Variants in SORCS3 observed in about 807,000 individuals in gnomAD.
SORCS3 encodes VPS10 domain-containing receptor SorCS3.
SORCS3 carries 57 observed loss-of-function variants against 146.3 expected under a neutral mutation model. That is an observed-to-expected ratio of 0.39 (90% CI 0.31 to 0.49). The LOEUF (loss-of-function observed/expected upper bound fraction) is 0.49. SORCS3 is among the 20% of genes least tolerant of loss of function. The pLI, the probability that SORCS3 is intolerant of heterozygous loss-of-function variation, is 0.92. For synonymous variants in SORCS3, 653 were observed against 618.5 expected, an observed-to-expected ratio of 1.06 and a Z score of -0.83; for missense variants, 1,341 against 1,575.5, an observed-to-expected ratio of 0.85 and a Z score of 2.52.
chr10:104,999,726 A>G (rs1461541244), intron 4 of SORCS3, among the ~76,000 whole-genome samples: 1 of 152,152 alleles, frequency 6.6e-6, no homozygotes, highest in Non-Finnish European at 1.5e-5. Flanking sequence ...ATTCAGACAC[A>G]TACAAAGAGT....
chr10:104,829,031 G>A (rs1394142995), intron 1 of SORCS3, among the ~76,000 whole-genome samples: 1 of 152,166 alleles, frequency 6.6e-6, no homozygotes, highest in Non-Finnish European at 1.5e-5. Context: ...CTCATCCACT[G>A]TGAGGATGTC....
intron 1 of SORCS3, among the ~76,000 whole-genome samples, chr10:104,777,784 C>CTTTCAAAG (rs1165894692): frequency 1.3e-5 from 2 of 152,114 alleles, no homozygotes; most frequent in African/African-American, 4.8e-5. Flanking sequence ...GATTAGGGCT[C>CTTTCAAAG]AGTGGGACTG....
chr10:104,731,394 C>A (rs1158225957), intron 1 of SORCS3, among the ~76,000 whole-genome samples: 1 of 152,222 alleles, frequency 6.6e-6, no homozygotes, highest in Non-Finnish European at 1.5e-5. Context: ...TTTACTGAGT[C>A]ATGTTCCTTC....
intron 4 of SORCS3, among the ~76,000 whole-genome samples, chr10:104,982,621 T>G (rs927223042): frequency 6.6e-6 from 1 of 152,212 alleles, no homozygotes; most frequent in Non-Finnish European, 1.5e-5. Context: ...AAATGATTTA[T>G]ATATAATTTA....
At chr10:105,010,617 T>C (rs2055129264) in intron 4 of SORCS3, among the ~76,000 whole-genome samples, 1 of 152,238 alleles carries the variant, frequency 6.6e-6, no homozygotes. Flanking sequence ...GAGATTGCAC[T>C]GTAATAGCAA....
chr10:105,231,796 A>T (rs568584280), intron 20 of SORCS3, among the ~76,000 whole-genome samples: 4 of 152,222 alleles, frequency 2.6e-5, no homozygotes, highest in African/African-American at 9.6e-5. Context: ...TAGTCTGCTG[A>T]TGAGATGGAT....
At chr10:105,044,700 T>G (rs1340800977) in intron 5 of SORCS3, among the ~76,000 whole-genome samples, 1 of 151,810 alleles carries the variant, frequency 6.6e-6, no homozygotes, top group East Asian at 2.0e-4. Context: ...TTTTTTTTGT[T>G]TTGTTGTTTT....
chr10:104,887,759 T>G (rs1435842835), intron 2 of SORCS3, among the ~76,000 whole-genome samples: 1 of 152,182 alleles, frequency 6.6e-6, no homozygotes, highest in African/African-American at 2.4e-5. Flanking sequence ...TCACTTATTC[T>G]CACCTCTATG....
At chr10:105,030,599 T>TTG (rs2055259602) in intron 4 of SORCS3, among the ~76,000 whole-genome samples, 1 of 151,778 alleles carries the variant, frequency 6.6e-6, no homozygotes, top group African/African-American at 2.4e-5. Context: ...AAGATCCTTT[T>TTG]TTTTTTTTTT....
At chr10:105,020,135 C>T (rs2055190131) in intron 4 of SORCS3, among the ~76,000 whole-genome samples, 2 of 152,146 alleles carry the variant, frequency 1.3e-5, no homozygotes, top group African/African-American at 4.8e-5. Context: ...GTCTCATTTC[C>T]AAGACCTAGT....
intron 2 of SORCS3, among the ~76,000 whole-genome samples, chr10:104,877,921 A>G: frequency 6.6e-6 from 1 of 152,212 alleles, no homozygotes; most frequent in East Asian, 1.9e-4. Flanking sequence ...AATAATACTT[A>G]GATTTTGAAA....
intron 1 of SORCS3, among the ~76,000 whole-genome samples, chr10:104,783,310 G>A (rs1379647481): frequency 1.3e-5 from 2 of 152,172 alleles, no homozygotes; most frequent in South Asian, 2.1e-4. Flanking sequence ...GACCTGGCCA[G>A]CTCTCACAGG....
intron 5 of SORCS3, among the ~76,000 whole-genome samples, chr10:105,056,036 A>G (rs1352564205): frequency 6.6e-6 from 1 of 152,208 alleles, no homozygotes; most frequent in Non-Finnish European, 1.5e-5. Flanking sequence ...CTCAGAAGGT[A>G]AAGGTCTCAC....
chr10:105,121,611 G>A (rs1218099173), intron 7 of SORCS3, among the ~76,000 whole-genome samples: 1 of 152,220 alleles, frequency 6.6e-6, no homozygotes, highest in African/African-American at 2.4e-5. Context: ...GTAGATGTTA[G>A]TGGCTGCAAA....
intron 5 of SORCS3, among the ~76,000 whole-genome samples, chr10:105,067,190 T>C (rs911991791): frequency 1.3e-5 from 2 of 152,208 alleles, no homozygotes; most frequent in African/African-American, 2.4e-5. Flanking sequence ...CAAAACATCA[T>C]ATTATATATG....
chr10:104,815,287 C>T (rs1246695146), intron 1 of SORCS3, among the ~76,000 whole-genome samples: 3 of 151,884 alleles, frequency 2.0e-5, no homozygotes, highest in East Asian at 3.9e-4. Context: ...TGGTGAAACC[C>T]TGTCTCTACT....
At chr10:104,832,024 A>G (rs1000701731) in intron 1 of SORCS3, among the ~76,000 whole-genome samples, 2 of 152,222 alleles carry the variant, frequency 1.3e-5, no homozygotes, top group Admixed American at 6.5e-5. Context: ...TTGATAGGCC[A>G]TGTCTTTTTC....
intron 1 of SORCS3, among the ~76,000 whole-genome samples, chr10:104,829,098 T>C (rs1036533301): frequency 6.6e-6 from 1 of 152,174 alleles, no homozygotes; most frequent in African/African-American, 2.4e-5. Flanking sequence ...TGGTAATACT[T>C]TAAACTCAAG....
Position 105,178,105 on chromosome 10 carries a change from T to C in SORCS3, c.1941T>C (p.Gly647=). Residue 647 remains glycine, a synonymous_variant, in exon 14 of 27, where the codon GGT becomes GGC. Transcript: ENST00000369701. ...AGGGCCACTCTTGGGACAAGTATGG[T>C]TTCACTTCGGTTCCTCTCTTTGTTG... ...FDEGHSWDKY[G]FTSVPLFVDG... 1 of 1,613,524 alleles carries C rather than the reference T, an allele frequency of 6.2e-7. No homozygotes were observed. The highest frequency in any genetic ancestry group is 8.5e-7 in the Non-Finnish European group (1 of 1,179,728).
Sources: gnomAD v4.1 joint callset for allele counts (sites outside exome capture counted in the v4.1 genomes callset) on GRCh38, gnomAD v4.1.1 for gene constraint, MANE v1.5 for transcripts, NCBI Gene and HGNC (gene_info 2026-07-23, HGNC 2026-07-21) for gene names.